Variants in ADAM28 observed in about 807,000 individuals in gnomAD.
The protein encoded by ADAM28 is disintegrin and metalloproteinase domain-containing protein 28.
Under a neutral mutation model 101.2 loss-of-function variants are expected in ADAM28, and 105 were observed. The ratio of observed to expected loss-of-function variants is 1.04; its 90% confidence interval spans 0.89 to 1.22. ADAM28 has a LOEUF of 1.22. Ranked by LOEUF, ADAM28 falls within the 50% of genes most tolerant of loss-of-function variation. The pLI, the probability that ADAM28 is intolerant of heterozygous loss-of-function variation, is 0.00. For synonymous variants in ADAM28, 322 were observed against 310.6 expected (o/e 1.04, Z -0.39); for missense variants, 1,028 against 945.4 (o/e 1.09, Z -1.15).
At chr8:24,297,884 G>T (rs1230764313) in intron 1 of ADAM28, among the ~76,000 whole-genome samples, 1 of 152,040 alleles carries the variant, frequency 6.6e-6, no homozygotes, top group Admixed American at 6.5e-5. Flanking sequence ...TTTTATAATT[G>T]ATGTTATTCT....
At chr8:24,332,459 G>A (rs544657372) in intron 12 of ADAM28, among the ~76,000 whole-genome samples, 60 of 152,192 alleles carry the variant, frequency 3.9e-4, no homozygotes, top group African/African-American at 1.3e-3. Flanking sequence ...GAAAAATGAC[G>A]TAAGTGGAAT....
At chr8:24,330,244 A>T (rs1813196423) in intron 11 of ADAM28, 129 bp downstream of exon 11, 1 of 1,113,860 alleles carries the variant, frequency 9.0e-7, no homozygotes, top group African/African-American at 1.6e-5. Context: ...ATTTGTGCCA[A>T]GCCACCTCAT....
Position 24,313,370 on chromosome 8 carries a change from ACT to A in ADAM28, c.384-14_384-13del. On this transcript the variant is annotated splice_polypyrimidine_tract_variant and intron_variant, in intron 5 of 22. Coordinates refer to ENST00000265769, the MANE Select transcript of ADAM28 (RefSeq NM_014265.6). ...CAACAATATTTGTTAAGAAGCCAGA[ACT>A]CTCATGTTTTTTCAGGGGCTACTTC... The A allele has an allele frequency of 1.3e-6, 2 of 1,595,104 alleles. No individual in the cohort carries two copies. The highest frequency in any genetic ancestry group is 1.7e-6 in the Non-Finnish European group (2 of 1,171,540).
chr8:24,311,366 T>C lies in ADAM28; in HGVS notation c.312T>C (p.Asp104=). ...EITTSPQIMD[D]CYYQGHILNE... The stretch of plus-strand genomic sequence containing the variant: ...CAAAACCCCTTTTCCTTTAGGATGA[T>C]TGTTATTATCAAGGACATATTCTTA... Residue 104 remains aspartate, a synonymous_variant, in exon 5 of 23, where the codon GAT becomes GAC. Transcript: ENST00000265769. 5 of 1,612,348 alleles carry C rather than the reference T, an allele frequency of 3.1e-6. No homozygotes were observed. Among genetic ancestry groups the C allele is most frequent in the Non-Finnish European group, 4.2e-6 (5 of 1,179,100 alleles).
intron 6 of ADAM28, among the ~76,000 whole-genome samples, chr8:24,315,676 T>G (rs1811070907): frequency 6.6e-6 from 1 of 151,890 alleles, no homozygotes; most frequent in South Asian, 2.1e-4. Context: ...AGCATTACCT[T>G]TATACCTAAC....
chr8:24,294,553 G>C (rs1366442183), intron 1 of ADAM28, among the ~76,000 whole-genome samples: 57 of 152,170 alleles, frequency 3.7e-4, no homozygotes, highest in Non-Finnish European at 1.5e-5. Flanking sequence ...TGGTAAAGAT[G>C]TGGCAGATTT....
At position 24,358,755 on chromosome 8, in the gene ADAM28, A is replaced by ATT. The variant is rs954656233; in HGVS notation, c.*4352_*4353insTT. On this transcript the variant is annotated 3_prime_UTR_variant, in exon 23 of 23. Coordinates refer to ENST00000265769, the MANE Select transcript of ADAM28 (RefSeq NM_014265.6). ...AGCGAATACTATTGTTATAAAAAAAATCCTAAGCATGAAAATTACGGTATA... is the reference window on the plus strand; with the variant it reads ...AGCGAATACTATTGTTATAAAAAAAATTTCCTAAGCATGAAAATTACGGTATA... 6.6e-6 allele frequency: 1 copy of ATT among 152,216 alleles called. No individual in the cohort carries two copies. The highest frequency in any genetic ancestry group is 2.1e-4 in the South Asian group (1 of 4,826). 9.4% of individuals were successfully genotyped at this position (152,216 alleles called of 1,614,324 possible).
chr8:24,337,101 C>T (rs1236760127), intron 14 of ADAM28, among the ~76,000 whole-genome samples: 1 of 152,200 alleles, frequency 6.6e-6, no homozygotes, highest in Non-Finnish European at 1.5e-5. Context: ...GAAAAACCTC[C>T]CTGTAAACTT....
Position 24,355,611 on chromosome 8 carries a change from A to ATACTC in ADAM28, c.*1210_*1214dup, listed in dbSNP as rs1428081981. On this transcript the variant is annotated 3_prime_UTR_variant, in exon 23 of 23. Transcript: ENST00000265769. Reference sequence around the variant, plus strand: ...TCTTTTTCTGGATATGGGCATCTGAATACTCTAGCTGGTACTGCTGCGCTC... The same window carrying ATACTC: ...TCTTTTTCTGGATATGGGCATCTGAATACTCTACTCTAGCTGGTACTGCTGCGCTC... 2.6e-5 allele frequency: 4 copies of ATACTC among 151,958 alleles called. No homozygotes were observed. The highest frequency in any genetic ancestry group is 2.1e-4 in the South Asian group (1 of 4,814). The allele number at this position is 151,958 out of a possible 1,614,324, so 9.4% of individuals were successfully genotyped here. A position where few individuals can be genotyped will look rare whatever the true frequency, so the allele number is the denominator to read the frequency against.
At chr8:24,338,418 T>A (rs1322177861) in intron 14 of ADAM28, among the ~76,000 whole-genome samples, 2 of 152,204 alleles carry the variant, frequency 1.3e-5, no homozygotes, top group African/African-American at 4.8e-5. Flanking sequence ...ATTAGGAATA[T>A]CATGCTTCTC....
At chr8:24,304,882 C>G (rs1328310082) in intron 2 of ADAM28, among the ~76,000 whole-genome samples, 1 of 150,054 alleles carries the variant, frequency 6.7e-6, no homozygotes, top group Admixed American at 6.6e-5. Context: ...GTCATTTGCA[C>G]TCCAACCTGG....
chr8:24,343,587 A>G lies in ADAM28; in HGVS notation c.1990+3A>G. 1 of 1,613,570 alleles carries G rather than the reference A, an allele frequency of 6.2e-7. No homozygotes were observed. The highest frequency in any genetic ancestry group is 8.5e-7 in the Non-Finnish European group (1 of 1,179,650). On this transcript the variant is annotated splice_donor_region_variant and intron_variant, in intron 18 of 22. Coordinates refer to ENST00000265769, the MANE Select transcript of ADAM28 (RefSeq NM_014265.6). ...CGATGACTCCTCAGTGGTCTTCCGT[A>G]GGTAACATTACACATCTAACCTGAG...
At chr8:24,297,969 G>A (rs1187935911) in intron 1 of ADAM28, among the ~76,000 whole-genome samples, 2 of 152,072 alleles carry the variant, frequency 1.3e-5, no homozygotes, top group Non-Finnish European at 2.9e-5. Flanking sequence ...AAGAAATGAG[G>A]AACTGAAGAA....
intron 15 of ADAM28, among the ~76,000 whole-genome samples, chr8:24,340,187 A>ATAGAT (rs1814595396): frequency 6.6e-6 from 1 of 152,218 alleles, no homozygotes; most frequent in Non-Finnish European, 1.5e-5. Flanking sequence ...AAATCCAATT[A>ATAGAT]TAGATTAAAC....
intron 5 of ADAM28, among the ~76,000 whole-genome samples, chr8:24,312,914 G>A (rs148626630): frequency 4.0e-4 from 61 of 152,156 alleles, no homozygotes; most frequent in African/African-American, 1.4e-3. Flanking sequence ...CACTATATTA[G>A]GTAGGTATTA....
chr8:24,332,498 C>T (rs563089102), intron 12 of ADAM28, among the ~76,000 whole-genome samples, 162 bp from the exon 13 acceptor site: 4 of 152,198 alleles, frequency 2.6e-5, no homozygotes, highest in Non-Finnish European at 5.9e-5. Context: ...ATCAGTTGCT[C>T]CAAAATTTCA....
At chr8:24,319,050 C>T (rs764292663) in intron 6 of ADAM28, among the ~76,000 whole-genome samples, 31 of 152,100 alleles carry the variant, frequency 2.0e-4, no homozygotes, top group Non-Finnish European at 3.5e-4. Flanking sequence ...CTCTGGTCTC[C>T]TCCTACTCTT....
Position 24,357,662 on chromosome 8 carries a change from G to T in ADAM28, c.*3258G>T, listed in dbSNP as rs970992304. ...ATAGCAATTAAAAAAATGAGATTTG[G>T]GGGGATGGACACAGAGCCAAACCAT... On this transcript the variant is annotated 3_prime_UTR_variant, in exon 23 of 23. Coordinates refer to ENST00000265769, the MANE Select transcript of ADAM28 (RefSeq NM_014265.6). 1 of 152,094 alleles carries T rather than the reference G, an allele frequency of 6.6e-6. No homozygotes were observed. Among genetic ancestry groups the T allele is most frequent in the Admixed American group, 6.6e-5 (1 of 15,256 alleles). 9.4% of individuals were successfully genotyped at this position (152,094 alleles called of 1,614,324 possible). A position where few individuals can be genotyped will look rare whatever the true frequency, so the allele number is the denominator to read the frequency against.
Position 24,332,624 on chromosome 8 carries a change from A to G in ADAM28, c.1282-36A>G, listed in dbSNP as rs80214487. On this transcript the variant is annotated intron_variant, in intron 12 of 22. Coordinates refer to ENST00000265769, the MANE Select transcript of ADAM28 (RefSeq NM_014265.6). ...TTGTGCTGAACTGGGACCAAAAAGT[A>G]ATGTTGCATTTACATTTGTTTCTCA... is the stretch of plus-strand genomic sequence containing the variant. The G allele has an allele frequency of 2.9e-3, 3,721 of 1,273,514 alleles. 91 individuals carry two copies. In the African/African-American group the frequency reaches 0.05, roughly 17 times the overall value. 78.9% of individuals were successfully genotyped at this position (1,273,514 alleles called of 1,614,324 possible).
Sources: allele counts gnomAD v4.1 joint callset (sites outside exome capture counted in the v4.1 genomes callset), GRCh38; gene constraint gnomAD v4.1.1; transcripts MANE v1.5; gene names NCBI Gene and HGNC (gene_info 2026-07-23, HGNC 2026-07-21).